The following CEP112 variants were observed in gnomAD, a reference collection of about 807,000 sequenced individuals.
CEP112 encodes centrosomal protein 112.
In CEP112, 127 loss-of-function variants were observed where a neutral mutation model predicts 153.0. The ratio of observed to expected loss-of-function variants is 0.83; its 90% CI spans 0.72 to 0.96. The LOEUF (loss-of-function observed/expected upper bound fraction) is 0.96, where lower values mean the gene tolerates loss of function less well. Ranked by LOEUF, CEP112 falls within the 40% of genes least tolerant of loss-of-function variation. The pLI, the probability that CEP112 is intolerant of heterozygous loss-of-function variation, is 0.00. For synonymous variants in CEP112, 358 were observed against 374.4 expected (o/e 0.96, Z 0.51); for missense variants, 1,089 against 1,101.2 (o/e 0.99, Z 0.16).
chr17:65,711,201 T>C (rs1429114948), intron 23 of CEP112, among the ~76,000 whole-genome samples: 2 of 152,146 alleles, frequency 1.3e-5, no homozygotes, highest in Non-Finnish European at 2.9e-5. Context: ...GAGTTTCTAG[T>C]ATTAGAGAGG....
chr17:65,735,815 A>G (rs187146410), intron 23 of CEP112, among the ~76,000 whole-genome samples: 4 of 152,252 alleles, frequency 2.6e-5, no homozygotes, highest in Admixed American at 2.6e-4. Flanking sequence ...GTTATTATGA[A>G]AATAGTTTGA....
chr17:65,953,851 C>T (rs975143367), intron 18 of CEP112, among the ~76,000 whole-genome samples: 3 of 152,178 alleles, frequency 2.0e-5, no homozygotes, highest in Non-Finnish European at 2.9e-5. Context: ...GCTGCCCCCA[C>T]CTAGTGGTCT....
chr17:66,185,327 A>G (rs1295983250), intron 1 of CEP112, among the ~76,000 whole-genome samples: 1 of 152,114 alleles, frequency 6.6e-6, no homozygotes, highest in African/African-American at 2.4e-5. Flanking sequence ...GGTTCAAGTG[A>G]TTCTCCTGCC....
At chr17:65,718,042 G>C (rs1439781606) in intron 23 of CEP112, among the ~76,000 whole-genome samples, 2 of 151,942 alleles carry the variant, frequency 1.3e-5, no homozygotes, top group Non-Finnish European at 2.9e-5. Flanking sequence ...AAAAGCACGG[G>C]GGCATAAAAG....
intron 23 of CEP112, among the ~76,000 whole-genome samples, chr17:65,729,572 G>GCATTA (rs1303744488): frequency 6.6e-6 from 1 of 151,984 alleles, no homozygotes; most frequent in Non-Finnish European, 1.5e-5. Context: ...ATACAGTTTA[G>GCATTA]CATTATTAAA....
At chr17:65,749,280 G>A (rs1424103015) in intron 22 of CEP112, among the ~76,000 whole-genome samples, 5 of 152,138 alleles carry the variant, frequency 3.3e-5, no homozygotes, top group African/African-American at 1.2e-4. Flanking sequence ...GATGAGGAGG[G>A]AGGATCACCT....
At chr17:65,657,794 G>A (rs1369174810) in intron 24 of CEP112, among the ~76,000 whole-genome samples, 1 of 152,188 alleles carries the variant, frequency 6.6e-6, no homozygotes, top group Non-Finnish European at 1.5e-5. Context: ...GGCTGATGGG[G>A]GTTTTGGAGT....
chr17:65,681,750 T>C (rs550782359), intron 24 of CEP112, among the ~76,000 whole-genome samples: 14 of 150,714 alleles, frequency 9.3e-5, no homozygotes, highest in Non-Finnish European at 1.9e-4. Context: ...CTTGGCTCAC[T>C]GCAACCTCTG....
At chr17:65,773,441 T>C (rs9901885) in intron 21 of CEP112, among the ~76,000 whole-genome samples, 72,918 of 151,976 alleles carry the variant, frequency 0.48, 19,191 homozygotes, top group East Asian at 0.78. Flanking sequence ...CATTTTCTTC[T>C]GATTATAAAA....
intron 21 of CEP112, among the ~76,000 whole-genome samples, chr17:65,835,542 A>T (rs1284301736): frequency 6.6e-6 from 1 of 152,216 alleles, no homozygotes; most frequent in Admixed American, 6.5e-5. Flanking sequence ...AGAAGAGAGT[A>T]GGATGCTATA....
intron 18 of CEP112, among the ~76,000 whole-genome samples, chr17:65,949,907 T>C (rs1373965198): frequency 1.3e-5 from 2 of 152,174 alleles, no homozygotes; most frequent in Non-Finnish European, 2.9e-5. Context: ...TTTTTTAACT[T>C]AAAAAAATTA....
chr17:65,832,827 G>A (rs1182330030), intron 21 of CEP112, among the ~76,000 whole-genome samples: 1 of 152,072 alleles, frequency 6.6e-6, no homozygotes, highest in Non-Finnish European at 1.5e-5. Flanking sequence ...AATTGAGGAG[G>A]AGGGACTCCT....
chr17:65,944,404 TCTA>T (rs542612348), intron 18 of CEP112, among the ~76,000 whole-genome samples: 31 of 152,322 alleles, frequency 2.0e-4, no homozygotes, highest in African/African-American at 7.5e-4. Context: ...ACTTCATTAT[TCTA>T]CTACTTTTAG....
chr17:66,115,209 A>C (rs1238394756), intron 6 of CEP112, among the ~76,000 whole-genome samples: 1 of 152,166 alleles, frequency 6.6e-6, no homozygotes, highest in Non-Finnish European at 1.5e-5. Context: ...AAACAAACAA[A>C]AAAAAAACCC....
chr17:65,638,385 C>T (rs1213099745), intron 25 of CEP112, among the ~76,000 whole-genome samples: 1 of 152,178 alleles, frequency 6.6e-6, no homozygotes, highest in Non-Finnish European at 1.5e-5. Context: ...ATTGTTTATT[C>T]TTACGTCTTT....
intron 4 of CEP112, among the ~76,000 whole-genome samples, chr17:66,155,537 G>A (rs1050972228): frequency 6.6e-6 from 1 of 151,694 alleles, no homozygotes; most frequent in Non-Finnish European, 1.5e-5. Flanking sequence ...TGGAATGCCA[G>A]CGAGACAGAA....
intron 21 of CEP112, among the ~76,000 whole-genome samples, chr17:65,751,364 T>C (rs951115130): frequency 2.6e-5 from 4 of 152,240 alleles, no homozygotes; most frequent in African/African-American, 9.6e-5. Flanking sequence ...CAATTCTTTT[T>C]ATGTGATCTG....
chr17:65,661,741 A>T (rs2046395367), intron 24 of CEP112: 1 of 152,166 alleles, frequency 6.6e-6, no homozygotes, highest in South Asian at 2.1e-4. Context: ...CTAACCTATT[A>T]TGTAGGCTGG....
intron 23 of CEP112, among the ~76,000 whole-genome samples, chr17:65,726,872 C>T (rs1234064374): frequency 6.6e-6 from 1 of 152,156 alleles, no homozygotes; most frequent in Non-Finnish European, 1.5e-5. Context: ...AAGAGATCTA[C>T]TTCATTCTTT....
Sources: allele counts gnomAD v4.1 joint callset (sites outside exome capture counted in the v4.1 genomes callset), GRCh38; gene constraint gnomAD v4.1.1; transcripts MANE v1.5; gene names NCBI Gene and HGNC (gene_info 2026-07-23, HGNC 2026-07-21).